The following GNAQ variants were observed in gnomAD, a reference collection of about 807,000 sequenced individuals.
GNAQ encodes G protein subunit alpha q, also known as guanine nucleotide-binding protein G(q) subunit alpha.
Under a neutral mutation model 43.9 loss-of-function variants are expected in GNAQ, and 8 were observed. The observed-to-expected ratio is 0.18, with a 90% confidence interval of 0.11 to 0.33. The LOEUF (loss-of-function observed/expected upper bound fraction) is 0.33. GNAQ is among the 10% of genes least tolerant of loss of function. GNAQ has a pLI of 1.00. For missense variants in GNAQ, 158 were observed against 450.8 expected (o/e 0.35, Z 5.88); for synonymous variants, 155 against 170.7 (o/e 0.91, Z 0.71).
At chr9:77,985,345 A>G (rs1564170807) in intron 1 of GNAQ, among the ~76,000 whole-genome samples, 1 of 152,158 alleles carries the variant, frequency 6.6e-6, no homozygotes, top group Non-Finnish European at 1.5e-5. Flanking sequence ...AAGAGTTTGT[A>G]GAGTTTTGTT....
chr9:77,995,542 G>T (rs2118535016), intron 1 of GNAQ, among the ~76,000 whole-genome samples: 1 of 152,214 alleles, frequency 6.6e-6, no homozygotes, highest in African/African-American at 2.4e-5. Flanking sequence ...CCAGGCTTGA[G>T]TGCAGTGGTG....
chr9:77,906,403 G>A (rs1828709272), intron 2 of GNAQ, among the ~76,000 whole-genome samples: 1 of 152,118 alleles, frequency 6.6e-6, no homozygotes, highest in African/African-American at 2.4e-5. Flanking sequence ...ACAGTAATCT[G>A]GTATGATCTT....
chr9:77,731,580 C>A (rs575489837), intron 5 of GNAQ, among the ~76,000 whole-genome samples: 3 of 152,350 alleles, frequency 2.0e-5, no homozygotes, highest in Non-Finnish European at 4.4e-5. Flanking sequence ...CAAATTGAAT[C>A]TCTGAGGGGA....
rs1489808325 is a variant in GNAQ at position 77,717,875 on chromosome 9, T to G, written c.*3448A>C. ...AACAGAGCTCTTTATATGGAAATGT[T>G]AAAAACAAAAACTTCTAGGAGATTT... is the stretch of plus-strand genomic sequence containing the variant. On this transcript the variant is annotated 3_prime_UTR_variant, in exon 7 of 7. Transcript: ENST00000286548. 4.3e-6 allele frequency: 1 copy of G among 232,514 alleles called. No homozygotes were observed. Among genetic ancestry groups the G allele is most frequent in the Non-Finnish European group, 8.5e-6 (1 of 117,668 alleles). The allele number at this position is 232,514 out of a possible 1,614,324, so 14.4% of individuals were successfully genotyped here. A position where few individuals can be genotyped will look rare whatever the true frequency, so the allele number is the denominator to read the frequency against.
chr9:77,990,453 C>G (rs1823494640), intron 1 of GNAQ, among the ~76,000 whole-genome samples: 1 of 152,112 alleles, frequency 6.6e-6, no homozygotes, highest in African/African-American at 2.4e-5. Flanking sequence ...AACTCCTTAG[C>G]TCAAGTGATC....
intron 2 of GNAQ, among the ~76,000 whole-genome samples, chr9:77,889,410 CAAAAAAAAAAAAAAAAAAAAAAA>C (rs58496646): frequency 1.2e-4 from 6 of 48,050 alleles, no homozygotes; most frequent in South Asian, 1.3e-3. Flanking sequence ...GACCCTGTCT[CAAAAAAAAAAAAAAAAAAAAAAA>C]AAAAAAAAAA....
chr9:78,005,145 G>C (rs890262327), intron 1 of GNAQ, among the ~76,000 whole-genome samples: 1 of 152,006 alleles, frequency 6.6e-6, no homozygotes, highest in Admixed American at 6.5e-5. Flanking sequence ...CTCACCTCAC[G>C]GGCTCAAGCG....
chr9:77,732,506 C>T (rs1366567234), intron 5 of GNAQ, among the ~76,000 whole-genome samples: 1 of 152,032 alleles, frequency 6.6e-6, no homozygotes, highest in Non-Finnish European at 1.5e-5. Flanking sequence ...GCTGGGACTA[C>T]AGGTGTCCGC....
At chr9:78,010,308 G>A (rs1823758336) in intron 1 of GNAQ, among the ~76,000 whole-genome samples, 1 of 152,188 alleles carries the variant, frequency 6.6e-6, no homozygotes, top group Non-Finnish European at 1.5e-5. Context: ...GTTCCAGTGG[G>A]TTCCAGTCTC....
intron 5 of GNAQ, among the ~76,000 whole-genome samples, chr9:77,761,325 G>A (rs1826013904): frequency 2.4e-5 from 3 of 125,568 alleles, no homozygotes; most frequent in Non-Finnish European, 5.3e-5. Flanking sequence ...AGGGAGGTGG[G>A]GGGTCAGCCC....
At chr9:77,958,613 G>A (rs996525155) in intron 1 of GNAQ, among the ~76,000 whole-genome samples, 1 of 152,220 alleles carries the variant, frequency 6.6e-6, no homozygotes. Context: ...GCTAAGGTTA[G>A]TGATATATTA....
chr9:77,745,662 T>C (rs1039661664), intron 5 of GNAQ, among the ~76,000 whole-genome samples: 12 of 151,478 alleles, frequency 7.9e-5, no homozygotes, highest in Admixed American at 2.0e-4. Flanking sequence ...ATTTGAAAGA[T>C]AATTCTAGAA....
Position 78,001,223 on chromosome 9 carries a change from C to A in GNAQ, c.136+29877G>T, listed in dbSNP as rs190366066. On this transcript the variant is annotated intron_variant, in intron 1 of 6. Transcript: ENST00000286548. ...GACCAGCCTGGCCAACATGATGAAA[C>A]CCCATCTCTACTAAAAATACAAAAA... Among the ~76,000 whole-genome samples, 628 of 152,072 alleles carry A rather than the reference C, an allele frequency of 4.1e-3. 4 individuals carry two copies. Among genetic ancestry groups the A allele is most frequent in the African/African-American group, 0.014 (601 of 41,470 alleles).
chr9:77,830,279 A>G (rs1200226505), intron 2 of GNAQ, among the ~76,000 whole-genome samples: 2 of 152,094 alleles, frequency 1.3e-5, no homozygotes, highest in Non-Finnish European at 1.5e-5. Context: ...ATGCCCCCCC[A>G]AGTGGTCTAC....
At chr9:77,786,259 T>A (rs1429859343) in intron 5 of GNAQ, among the ~76,000 whole-genome samples, 3 of 149,132 alleles carry the variant, frequency 2.0e-5, no homozygotes, top group Admixed American at 1.3e-4. Context: ...GTGCCTGTAG[T>A]CCCAGCTACT....
chr9:77,800,632 A>G (rs921094538), intron 3 of GNAQ, among the ~76,000 whole-genome samples: 3 of 152,234 alleles, frequency 2.0e-5, no homozygotes, highest in Non-Finnish European at 4.4e-5. Flanking sequence ...TAGTGGGTGC[A>G]GCGCACCAGC....
intron 2 of GNAQ, among the ~76,000 whole-genome samples, chr9:77,880,561 T>TG (rs920103037): frequency 3.4e-5 from 5 of 149,152 alleles, no homozygotes; most frequent in South Asian, 2.1e-4. Flanking sequence ...TTCTGTTTTT[T>TG]TTTTTTTGTT....
chr9:77,874,109 A>AAAAC (rs1828089161), intron 2 of GNAQ, among the ~76,000 whole-genome samples: 1 of 148,180 alleles, frequency 6.7e-6, no homozygotes, highest in East Asian at 2.0e-4. Flanking sequence ...CATCTCAAAA[A>AAAAC]AAAAAAACAA....
chr9:77,969,235 T>C (rs2118451217), intron 1 of GNAQ, among the ~76,000 whole-genome samples: 1 of 152,248 alleles, frequency 6.6e-6, no homozygotes, highest in African/African-American at 2.4e-5. Flanking sequence ...AGGTGGTAAA[T>C]ACAACTGTGG....
Sources: gnomAD v4.1 joint callset for allele counts (sites outside exome capture counted in the v4.1 genomes callset) on GRCh38, gnomAD v4.1.1 for gene constraint, MANE v1.5 for transcripts, NCBI Gene and HGNC (gene_info 2026-07-23, HGNC 2026-07-21) for gene names.